CACNA1A: variants seen among roughly 807,000 people sequenced by gnomAD.
CACNA1A encodes voltage-dependent P/Q-type calcium channel subunit alpha-1A.
CACNA1A carries 57 observed loss-of-function variants against 262.4 expected under a neutral mutation model. The ratio of observed to expected loss-of-function variants is 0.22; its 90% CI spans 0.18 to 0.27. CACNA1A has a LOEUF of 0.27. Among genes scored for constraint, CACNA1A ranks in the 10% least tolerant of loss-of-function variants. The probability of loss-of-function intolerance (pLI) is 1.00; values close to 1 mark genes in which losing one functional copy is unlikely to be tolerated. For synonymous variants in CACNA1A, 1,431 were observed against 1,419.3 expected (o/e 1.01, Z -0.18); for missense variants, 2,526 against 3,562.8 (o/e 0.71, Z 7.41).
chr19:13,405,268 C>G (rs1284666529), intron 3 of CACNA1A, among the ~76,000 whole-genome samples: 2 of 152,144 alleles, frequency 1.3e-5, no homozygotes, highest in Non-Finnish European at 2.9e-5. Flanking sequence ...TCACAGCTCA[C>G]TGTAGCCTCA....
At chr19:13,233,587 G>A (rs899124305) in intron 34 of CACNA1A, among the ~76,000 whole-genome samples, 30 of 152,028 alleles carry the variant, frequency 2.0e-4, no homozygotes, top group East Asian at 5.9e-4. Context: ...TCCTGGGCTC[G>A]AGCAATCCTC....
chr19:13,494,196 T>C (rs758024583), intron 1 of CACNA1A, among the ~76,000 whole-genome samples: 7 of 152,232 alleles, frequency 4.6e-5, no homozygotes, highest in African/African-American at 7.2e-5. Context: ...TTCCTAAAAG[T>C]TTACATGCAT....
chr19:13,341,040 C>A (rs887203822), intron 6 of CACNA1A, among the ~76,000 whole-genome samples: 1 of 152,026 alleles, frequency 6.6e-6, no homozygotes, highest in Non-Finnish European at 1.5e-5. Context: ...CCACTGCACT[C>A]CAGCCTGGGA....
chr19:13,209,485 G>C lies in CACNA1A; in HGVS notation c.6353C>G (p.Thr2118Ser). ...GGAGGCTGAACGCTTCATGGGGCTG[G>C]TGTCTGAGATGGTCTGGGGGAGGGG... ...RGNNLSTISD[T>S]SPMKRSASVL... Residue 2118 changes from threonine (T) to serine (S), a missense_variant, in exon 45 of 47, where the codon ACC becomes AGC. Physicochemically the swap from Thr to Ser is moderately conservative, Grantham distance 58. Coordinates refer to ENST00000360228, the MANE Select transcript of CACNA1A (RefSeq NM_001127222.2). The C allele has an allele frequency of 7.5e-7, 1 of 1,331,248 alleles. No individual in the cohort carries two copies. 82.5% of individuals were successfully genotyped at this position (1,331,248 alleles called of 1,614,324 possible).
chr19:13,357,085 C>T (rs924890033), intron 6 of CACNA1A, among the ~76,000 whole-genome samples: 57 of 152,168 alleles, frequency 3.7e-4, no homozygotes, highest in African/African-American at 1.4e-3. Flanking sequence ...CGCAACTGTT[C>T]ATGTGGCTCC....
chr19:13,453,617 CTGA>C (rs1186376426), intron 2 of CACNA1A, among the ~76,000 whole-genome samples: 12 of 152,216 alleles, frequency 7.9e-5, no homozygotes, highest in Non-Finnish European at 1.0e-4. Context: ...TCTGTACTGG[CTGA>C]TAAGTGGCCA....
At chr19:13,237,836 GC>G (rs1235538940) in intron 31 of CACNA1A, among the ~76,000 whole-genome samples, 2 of 152,158 alleles carry the variant, frequency 1.3e-5, no homozygotes, top group African/African-American at 4.8e-5. Flanking sequence ...GGTATCCCCA[GC>G]CCCCTCCCGT....
In CACNA1A at chr19:13,228,334, A is replaced by C. The variant is rs1299175061; in HGVS notation, c.5529-807T>G. Among the ~76,000 whole-genome samples, 4 of 136,570 alleles carry C rather than the reference A, an allele frequency of 2.9e-5. No individual in the cohort carries two copies. The East Asian group carries it at 6.5e-4, about 22-fold the overall frequency. 89.6% of individuals were successfully genotyped at this position (136,570 alleles called of 152,430 possible). A position where few individuals can be genotyped will look rare whatever the true frequency, so the allele number is the denominator to read the frequency against. On this transcript the variant is annotated intron_variant, in intron 36 of 46. Transcript: ENST00000360228. The stretch of plus-strand genomic sequence containing the variant: ...GGAGGGCTAGGGGCTTTGGGAGGTG[A>C]GGGGTGGAGGGGGAGAGAGTGGAGG...
At chr19:13,260,532 T>G (rs2144763193) in intron 26 of CACNA1A, 1 of 151,668 alleles carries the variant, frequency 6.6e-6, no homozygotes, top group South Asian at 2.1e-4. Context: ...GTATTTTTAG[T>G]AGAGACAGGG....
At chr19:13,427,610 T>C (rs961797109) in intron 3 of CACNA1A, among the ~76,000 whole-genome samples, 6 of 152,112 alleles carry the variant, frequency 3.9e-5, no homozygotes, top group African/African-American at 1.4e-4. Context: ...CCTCTCTCTA[T>C]GCTTTGATCT....
intron 18 of CACNA1A, among the ~76,000 whole-genome samples, chr19:13,299,935 G>A (rs139989991): frequency 1.4e-3 from 215 of 152,304 alleles, no homozygotes; most frequent in African/African-American, 4.9e-3. Flanking sequence ...AAAGGAGCAC[G>A]CAACCTAGAT....
intron 17 of CACNA1A, 57 bp from the exon 18 acceptor site, chr19:13,300,713 C>T: frequency 7.3e-7 from 1 of 1,375,842 alleles, no homozygotes; most frequent in Non-Finnish European, 1.0e-6. Flanking sequence ...TGGGGACTCA[C>T]TTCTGACCCT....
chr19:13,299,940 C>A (rs533972237), intron 18 of CACNA1A, among the ~76,000 whole-genome samples: 13 of 152,350 alleles, frequency 8.5e-5, no homozygotes, highest in African/African-American at 3.1e-4. Flanking sequence ...AGCACGCAAC[C>A]TAGATCCCTC....
At chr19:13,217,996 G>A (rs1254753378) in intron 38 of CACNA1A, among the ~76,000 whole-genome samples, 2 of 140,206 alleles carry the variant, frequency 1.4e-5, no homozygotes, top group Non-Finnish European at 3.0e-5. Context: ...GGCTGGTCTC[G>A]AACTCCTGGC....
intron 11 of CACNA1A, among the ~76,000 whole-genome samples, chr19:13,313,541 C>T (rs901570220): frequency 6.7e-6 from 1 of 149,980 alleles, no homozygotes; most frequent in Non-Finnish European, 1.5e-5. Context: ...ATGCCCTACC[C>T]TCCAACCAAC....
rs2059326289 is a variant in CACNA1A at position 13,371,701 on chromosome 19, C to T, written c.618G>A (p.Val206=). ...AVRVLRPLKL[V]SGIPSLQVVL... The stretch of plus-strand genomic sequence containing the variant: ...AAACTCACGCACTTGGGATTCCAGA[C>T]ACCAGCTTGAGCGGCCGCAGCACTC... The change falls in exon 4 of 47, where the codon GTG becomes GTA. Residue 206 remains valine, a synonymous_variant. Coordinates refer to ENST00000360228, the MANE Select transcript of CACNA1A (RefSeq NM_001127222.2). 1.9e-6 allele frequency: 3 copies of T among 1,575,942 alleles called. No individual in the cohort carries two copies. The highest frequency in any genetic ancestry group is 2.6e-6 in the Non-Finnish European group (3 of 1,161,038).
chr19:13,392,893 C>T (rs1331166069), intron 3 of CACNA1A, among the ~76,000 whole-genome samples: 4 of 152,296 alleles, frequency 2.6e-5, no homozygotes, highest in Admixed American at 2.6e-4. Flanking sequence ...ATTACAGGCA[C>T]ACGCCACCAT....
At chr19:13,429,167 T>TACACACACAC (rs56218610) in intron 3 of CACNA1A, among the ~76,000 whole-genome samples, 30 of 141,248 alleles carry the variant, frequency 2.1e-4, no homozygotes, top group East Asian at 1.7e-3. Flanking sequence ...TCACTGTGCG[T>TACACACACAC]ACACACACAC....
intron 19 of CACNA1A, among the ~76,000 whole-genome samples, chr19:13,289,239 T>C (rs545660026): frequency 3.6e-4 from 54 of 149,916 alleles, no homozygotes; most frequent in African/African-American, 1.3e-3. Context: ...CCTCCCAGGC[T>C]CAGGCAATCC....
Sources: allele counts gnomAD v4.1 joint callset (sites outside exome capture counted in the v4.1 genomes callset), GRCh38; gene constraint gnomAD v4.1.1; transcripts MANE v1.5; gene names NCBI Gene and HGNC (gene_info 2026-07-23, HGNC 2026-07-21).